The following GPR158 variants were observed in gnomAD, a reference collection of about 807,000 sequenced individuals.
GPR158 encodes the protein metabotropic glycine receptor.
A neutral mutation model predicts 78.2 loss-of-function variants in GPR158; 30 were observed. That is an observed-to-expected ratio of 0.38 (90% CI 0.29 to 0.52). GPR158 has a LOEUF of 0.52. Among genes scored for constraint, GPR158 ranks in the 20% least tolerant of loss-of-function variants. GPR158 has a pLI of 0.83. For missense variants in GPR158, 1,463 were observed against 1,523.5 expected (o/e 0.96, Z 0.66); for synonymous variants, 581 against 591.1 (o/e 0.98, Z 0.25).
intron 6 of GPR158, among the ~76,000 whole-genome samples, chr10:25,554,684 A>T (rs1836765019): frequency 6.6e-6 from 1 of 152,174 alleles, no homozygotes; most frequent in Admixed American, 6.5e-5. Flanking sequence ...CTACTATAAT[A>T]ATCTGAAGGA....
chr10:25,547,979 A>G (rs1163793410), intron 5 of GPR158, among the ~76,000 whole-genome samples: 3 of 152,148 alleles, frequency 2.0e-5, no homozygotes, highest in Non-Finnish European at 4.4e-5. Context: ...TTGAAGACCT[A>G]ATCCACATCT....
chr10:25,267,654 T>A (rs1854060535), intron 2 of GPR158, among the ~76,000 whole-genome samples: 1 of 152,174 alleles, frequency 6.6e-6, no homozygotes. Flanking sequence ...TTCACCATAA[T>A]CTCACTACAA....
Position 25,405,274 on chromosome 10 carries a change from A to G in GPR158, c.1112-6976A>G, listed in dbSNP as rs146012634. 5.4e-3 allele frequency among the ~76,000 whole-genome samples: 823 copies of G among 152,104 alleles called. 11 individuals are homozygous for G. The highest frequency in any genetic ancestry group is 0.019 in the African/African-American group (796 of 41,552). Reference sequence around the variant, plus strand: ...GTAAGAGAAGGGAGACTAATTTTTCATTAATTATATAAATTTAACCCACAC... The same window carrying G: ...GTAAGAGAAGGGAGACTAATTTTTCGTTAATTATATAAATTTAACCCACAC... On this transcript the variant is annotated intron_variant, in intron 3 of 10. Transcript: ENST00000376351.
At chr10:25,314,857 AC>A (rs1435454882) in intron 2 of GPR158, among the ~76,000 whole-genome samples, 7,993 of 101,760 alleles carry the variant, frequency 0.079, 437 homozygotes, top group African/African-American at 0.2. Flanking sequence ...ACATACACAC[AC>A]TGTCATATAT....
At chr10:25,187,908 G>A (rs192291190) in intron 1 of GPR158, among the ~76,000 whole-genome samples, 173 of 151,116 alleles carry the variant, frequency 1.1e-3, no homozygotes, top group Admixed American at 3.9e-3. Context: ...CAAAATCTCC[G>A]TAAGCTGATA....
At chr10:25,499,243 G>C (rs1259085850) in intron 5 of GPR158, among the ~76,000 whole-genome samples, 1 of 152,160 alleles carries the variant, frequency 6.6e-6, no homozygotes, top group Non-Finnish European at 1.5e-5. Flanking sequence ...TCCAGAGTCT[G>C]GAAGAATTTC....
intron 4 of GPR158, among the ~76,000 whole-genome samples, chr10:25,436,250 C>T (rs1460002337): frequency 3.3e-5 from 5 of 152,180 alleles, no homozygotes; most frequent in African/African-American, 4.8e-5. Context: ...GAAATTCAAA[C>T]TTACCTGAGC....
chr10:25,312,155 T>C (rs1231493345), intron 2 of GPR158, among the ~76,000 whole-genome samples: 1 of 152,038 alleles, frequency 6.6e-6, no homozygotes, highest in African/African-American at 2.4e-5. Context: ...ATTTCTTAAA[T>C]GTTATTTCCG....
chr10:25,469,774 A>G (rs1425793923), intron 5 of GPR158, among the ~76,000 whole-genome samples: 1 of 106,878 alleles, frequency 9.4e-6, no homozygotes, highest in Non-Finnish European at 1.7e-5. Flanking sequence ...ACAGAGCGAG[A>G]CTCCATCTCA....
chr10:25,517,238 C>A (rs1836190698), intron 5 of GPR158, among the ~76,000 whole-genome samples: 1 of 150,060 alleles, frequency 6.7e-6, no homozygotes, highest in Non-Finnish European at 1.5e-5. Flanking sequence ...TGAGACTTTG[C>A]TGAAGTTGCT....
At chr10:25,349,229 T>G (rs765103284) in intron 2 of GPR158, among the ~76,000 whole-genome samples, 17 of 151,932 alleles carry the variant, frequency 1.1e-4, no homozygotes, top group Admixed American at 7.9e-4. Flanking sequence ...GGCATCACTG[T>G]GACCTCTGCT....
At chr10:25,397,256 G>A (rs1834372748) in intron 3 of GPR158, among the ~76,000 whole-genome samples, 1 of 152,188 alleles carries the variant, frequency 6.6e-6, no homozygotes, top group African/African-American at 2.4e-5. Context: ...GAAAATGTCA[G>A]TGTTACAATT....
intron 5 of GPR158, among the ~76,000 whole-genome samples, chr10:25,533,657 C>T (rs1403842786): frequency 1.3e-5 from 2 of 152,190 alleles, no homozygotes; most frequent in Non-Finnish European, 2.9e-5. Context: ...CGGCAGTGTT[C>T]AGTTCAACCC....
At chr10:25,320,625 C>G (rs1854934152) in intron 2 of GPR158, among the ~76,000 whole-genome samples, 1 of 152,132 alleles carries the variant, frequency 6.6e-6, no homozygotes, top group Admixed American at 6.5e-5. Context: ...GTGAGTATGG[C>G]CTTAATCTAA....
intron 2 of GPR158, among the ~76,000 whole-genome samples, chr10:25,342,464 T>A (rs1348475433): frequency 6.6e-6 from 1 of 151,976 alleles, no homozygotes; most frequent in South Asian, 2.1e-4. Context: ...CAACTCTTAT[T>A]TTTAACAACT....
At chr10:25,271,232 C>T (rs1334864117) in intron 2 of GPR158, among the ~76,000 whole-genome samples, 3 of 152,190 alleles carry the variant, frequency 2.0e-5, no homozygotes, top group Non-Finnish European at 4.4e-5. Context: ...TTTGTTATCC[C>T]TGTTACTTGC....
At chr10:25,521,253 C>T (rs913464901) in intron 5 of GPR158, among the ~76,000 whole-genome samples, 31 of 152,340 alleles carry the variant, frequency 2.0e-4, no homozygotes, top group East Asian at 1.2e-3. Flanking sequence ...CACTGGCCTG[C>T]GCCCACTGTC....
At chr10:25,574,624 C>T (rs1282361765) in intron 7 of GPR158, among the ~76,000 whole-genome samples, 1 of 152,134 alleles carries the variant, frequency 6.6e-6, no homozygotes, top group Non-Finnish European at 1.5e-5. Context: ...TGGTGACTCA[C>T]GCCTGTAATC....
At chr10:25,362,125 T>A (rs923916728) in intron 2 of GPR158, among the ~76,000 whole-genome samples, 3 of 151,982 alleles carry the variant, frequency 2.0e-5, no homozygotes, top group African/African-American at 7.2e-5. Flanking sequence ...TTTAATTATT[T>A]TGAGTTAATA....
Sources: allele counts gnomAD v4.1 joint callset (sites outside exome capture counted in the v4.1 genomes callset), GRCh38; gene constraint gnomAD v4.1.1; transcripts MANE v1.5; gene names NCBI Gene and HGNC (gene_info 2026-07-23, HGNC 2026-07-21).